Variants in EXT2 observed in about 807,000 individuals in gnomAD.
EXT2 encodes exostosin glycosyltransferase 2.
EXT2 carries 53 observed loss-of-function variants against 81.6 expected under a neutral mutation model. That is an observed-to-expected ratio of 0.65 (90% confidence interval 0.52 to 0.82). The LOEUF is 0.82. Among genes scored for constraint, EXT2 ranks in the 40% least tolerant of loss-of-function variants. The probability of loss-of-function intolerance (pLI) is 0.00; values close to 1 mark genes in which losing one functional copy is unlikely to be tolerated. For missense variants in EXT2, 774 were observed against 910.2 expected (o/e 0.85, Z 1.93); for synonymous variants, 320 against 340.0 (o/e 0.94, Z 0.65).
At chr11:44,107,628 T>C in intron 1 of EXT2, 55 bp from the exon 2 acceptor site, 3 of 1,505,512 alleles carry the variant, frequency 2.0e-6, no homozygotes, top group Non-Finnish European at 2.7e-6. Flanking sequence ...TCTTTTCAAG[T>C]GTCATTTGCC....
chr11:44,221,523 T>G (rs1001335228), intron 10 of EXT2, among the ~76,000 whole-genome samples: 1 of 152,238 alleles, frequency 6.6e-6, no homozygotes, highest in African/African-American at 2.4e-5. Context: ...AGCTGCCTGC[T>G]GTCTCATTGG....
At chr11:44,135,916 T>C (rs1475163557) in intron 7 of EXT2, among the ~76,000 whole-genome samples, 1 of 152,236 alleles carries the variant, frequency 6.6e-6, no homozygotes, top group African/African-American at 2.4e-5. Context: ...ACAAAACTGT[T>C]ATTAATGTGG....
At position 44,244,547 on chromosome 11, in the gene EXT2, T is replaced by C. The variant is rs1052265897; in HGVS notation, c.*260T>C. 8.2e-6 allele frequency: 4 copies of C among 490,344 alleles called. No homozygotes were observed. Among genetic ancestry groups the C allele is most frequent in the East Asian group, 3.5e-5 (1 of 28,658 alleles). 30.4% of individuals were successfully genotyped at this position (490,344 alleles called of 1,614,324 possible). ...CTCGAAAATGCCAAGTGGAAGACTT[T>C]GTGGCATGCTCCAGATTTAAATCCA... On this transcript the variant is annotated 3_prime_UTR_variant, in exon 14 of 14. Coordinates refer to ENST00000533608, the MANE Select transcript of EXT2 (RefSeq NM_207122.2).
chr11:44,242,736 T>C (rs2135280896), intron 13 of EXT2, among the ~76,000 whole-genome samples: 1 of 152,330 alleles, frequency 6.6e-6, no homozygotes, highest in East Asian at 1.9e-4. Flanking sequence ...AGTTGTTAAT[T>C]TCCAGTCCCC....
At position 44,127,400 on chromosome 11, in the gene EXT2, C is replaced by G. The variant is rs145857905; in HGVS notation, c.1079+445C>G. Among the ~76,000 whole-genome samples, 51 of 152,314 alleles carry G rather than the reference C, an allele frequency of 3.3e-4. 1 individual carries two copies. Among genetic ancestry groups the G allele is most frequent in the African/African-American group, 1.2e-3 (50 of 41,574 alleles). On this transcript the variant is annotated intron_variant, in intron 6 of 13. Transcript: ENST00000533608. ...AACATTACCATCTGAGCCTCGCCTC[C>G]TGTCAGATCAGTGGTGGCATTAAAT...
In EXT2 at chr11:44,246,810, G is replaced by A. The variant is rs1193931419; in HGVS notation, c.*2523G>A. On this transcript the variant is annotated 3_prime_UTR_variant, in exon 14 of 14. Coordinates refer to ENST00000533608, the MANE Select transcript of EXT2 (RefSeq NM_207122.2). Reference sequence around the variant, plus strand: ...AAACCTCACCCATAAGCTTAGGTCAGGATCATCTGTCCTCGGGATGCCATA... The same window carrying A: ...AAACCTCACCCATAAGCTTAGGTCAAGATCATCTGTCCTCGGGATGCCATA... 1.3e-5 allele frequency among the ~76,000 whole-genome samples: 2 copies of A among 152,174 alleles called. No individual in the cohort carries two copies. Among genetic ancestry groups the A allele is most frequent in the African/African-American group, 4.8e-5 (2 of 41,440 alleles).
rs1414649136 is a variant in EXT2 at position 44,245,669 on chromosome 11, T to C, written c.*1382T>C. Among the ~76,000 whole-genome samples the C allele has an allele frequency of 6.6e-6, 1 of 152,202 alleles. No individual in the cohort carries two copies. The highest frequency in any genetic ancestry group is 2.4e-5 in the African/African-American group (1 of 41,444). On this transcript the variant is annotated 3_prime_UTR_variant, in exon 14 of 14. Transcript: ENST00000533608. ...GTCAGCGTCAGTCATACACCATCCA[T>C]TGTTCTGTTGAGTGACATGAAGGTG...
At position 44,250,719 on chromosome 11, in the gene EXT2, G is replaced by A. The variant is rs1454110159; in HGVS notation, c.*6432G>A. Among the ~76,000 whole-genome samples the A allele has an allele frequency of 1.3e-5, 2 of 152,314 alleles. No homozygotes were observed. The highest frequency in any genetic ancestry group is 2.1e-4 in the South Asian group (1 of 4,828). On this transcript the variant is annotated 3_prime_UTR_variant, in exon 14 of 14. Transcript: ENST00000533608. ...CCAGAGAGCGTCCATCCGGTGCCTG[G>A]TGAGGGCCCTGCATGGCTGGCTGCT...
chr11:44,237,902 T>TAAAAAAA (rs374084527), intron 13 of EXT2, among the ~76,000 whole-genome samples: 9 of 56,380 alleles, frequency 1.6e-4, no homozygotes, highest in African/African-American at 6.5e-4. Context: ...CGTCTCTACT[T>TAAAAAAA]AAAAAAAAAA....
rs575715137 is a variant in EXT2, at chr11:44,171,577, T to G, written c.1174-34T>G. The G allele has an allele frequency of 3.7e-6, 6 of 1,614,076 alleles. No homozygotes were observed. The African/African-American group carries it at 8.0e-5, about 22-fold the overall frequency. On this transcript the variant is annotated intron_variant, in intron 7 of 13. Transcript: ENST00000533608. ...ATCTAGTTTTCCCACTCTGTCTCGCTTGCTCACTTAAAACAGCATTATTTT... is the reference window on the plus strand; with the variant it reads ...ATCTAGTTTTCCCACTCTGTCTCGCGTGCTCACTTAAAACAGCATTATTTT...
intron 8 of EXT2, among the ~76,000 whole-genome samples, chr11:44,190,054 C>T (rs188601464): frequency 1.3e-5 from 2 of 152,238 alleles, no homozygotes; most frequent in East Asian, 3.9e-4. Context: ...GGGACACCAC[C>T]CTTATGCACG....
At chr11:44,238,831 G>A in intron 13 of EXT2, among the ~76,000 whole-genome samples, 1 of 152,210 alleles carries the variant, frequency 6.6e-6, no homozygotes, top group East Asian at 1.9e-4. Context: ...TCAACAAGAA[G>A]AAGCCCAATT....
intron 8 of EXT2, among the ~76,000 whole-genome samples, chr11:44,173,362 T>C (rs1375839378): frequency 6.6e-6 from 1 of 152,182 alleles, no homozygotes; most frequent in African/African-American, 2.4e-5. Context: ...TTAAAACATA[T>C]ATGGGATTAT....
At chr11:44,126,480 A>G (rs1386840242) in intron 5 of EXT2, among the ~76,000 whole-genome samples, 1 of 152,234 alleles carries the variant, frequency 6.6e-6, no homozygotes, top group Non-Finnish European at 1.5e-5. Context: ...GTGTGTTTAC[A>G]TAGTACACTA....
intron 13 of EXT2, among the ~76,000 whole-genome samples, chr11:44,237,089 A>T (rs1955974320): frequency 6.6e-6 from 1 of 152,206 alleles, no homozygotes; most frequent in Non-Finnish European, 1.5e-5. Context: ...AATTATTTAT[A>T]CAAGACAGCA....
At chr11:44,161,968 G>A (rs959674934) in intron 7 of EXT2, among the ~76,000 whole-genome samples, 3 of 152,208 alleles carry the variant, frequency 2.0e-5, no homozygotes, top group African/African-American at 7.2e-5. Flanking sequence ...AGGAAAGACT[G>A]AGAAACTGTC....
intron 7 of EXT2, among the ~76,000 whole-genome samples, chr11:44,152,386 C>T (rs1317812426): frequency 2.0e-5 from 3 of 152,026 alleles, no homozygotes; most frequent in Non-Finnish European, 4.4e-5. Flanking sequence ...AGTATCATTT[C>T]ATCACCCAGG....
At chr11:44,118,616 A>G (rs1254693733) in intron 4 of EXT2, among the ~76,000 whole-genome samples, 1 of 152,200 alleles carries the variant, frequency 6.6e-6, no homozygotes, top group Non-Finnish European at 1.5e-5. Flanking sequence ...AACTATCCCC[A>G]TACTAATTTT....
intron 7 of EXT2, among the ~76,000 whole-genome samples, chr11:44,135,461 A>G (rs1322162621): frequency 6.1e-5 from 9 of 148,098 alleles, no homozygotes; most frequent in Non-Finnish European, 1.0e-4. Flanking sequence ...GTGCGATCTC[A>G]GCTCACTGCA....
Sources: allele counts gnomAD v4.1 joint callset (sites outside exome capture counted in the v4.1 genomes callset), GRCh38; gene constraint gnomAD v4.1.1; transcripts MANE v1.5; gene names NCBI Gene and HGNC (gene_info 2026-07-23, HGNC 2026-07-21).